Variants in PRKCE observed in about 807,000 individuals in gnomAD.
The protein encoded by PRKCE is protein kinase C epsilon type.
PRKCE carries 16 observed loss-of-function variants against 85.4 expected under a neutral mutation model. That is an observed-to-expected ratio of 0.19 (90% CI 0.13 to 0.28). The LOEUF (loss-of-function observed/expected upper bound fraction) is 0.28, where lower values mean the gene tolerates loss of function less well. Among genes scored for constraint, PRKCE ranks in the 10% least tolerant of loss-of-function variants. The pLI is 1.00. For missense variants in PRKCE, 573 were observed against 975.2 expected, an observed-to-expected ratio of 0.59 and a Z score of 5.49; for synonymous variants, 388 against 371.5, an observed-to-expected ratio of 1.04 and a Z score of -0.51.
intron 11 of PRKCE, among the ~76,000 whole-genome samples, chr2:46,141,855 A>G (rs1417957529): frequency 6.6e-6 from 1 of 152,154 alleles, no homozygotes; most frequent in Non-Finnish European, 1.5e-5. Context: ...ACGCCTGGCC[A>G]TGTCCTGAAC....
intron 1 of PRKCE, among the ~76,000 whole-genome samples, chr2:45,835,006 C>T (rs1269561994): frequency 1.4e-4 from 22 of 152,176 alleles, no homozygotes; most frequent in Admixed American, 1.4e-3. Context: ...TCACAGGAGA[C>T]AGGAGAAGGT....
Position 45,976,857 on chromosome 2 carries a change from CTGTGTGTGTGTGTGTG to C in PRKCE, c.572+303_572+318del, listed in dbSNP as rs56287103. On this transcript the variant is annotated intron_variant, in intron 3 of 14. Coordinates refer to ENST00000306156, the MANE Select transcript of PRKCE (RefSeq NM_005400.3). ...TTAGTAACCAACAAGGATATTGTGA[CTGTGTGTGTGTGTGTG>C]TGTGTGTGTGTGTGTGTGTGTGTGT... Among the ~76,000 whole-genome samples, 393 of 135,050 alleles carry C rather than the reference CTGTGTGTGTGTGTGTG, an allele frequency of 2.9e-3. 2 individuals are homozygous for C. The highest frequency in any genetic ancestry group is 9.9e-3 in the African/African-American group (356 of 35,800). The allele number at this position is 135,050 out of a possible 152,430, so 88.6% of individuals were successfully genotyped here.
intron 1 of PRKCE, among the ~76,000 whole-genome samples, chr2:45,696,171 G>A (rs1383304421): frequency 6.9e-6 from 1 of 145,424 alleles, no homozygotes; most frequent in Non-Finnish European, 1.5e-5. Flanking sequence ...GCACAGGCTG[G>A]TCTTGAACTC....
chr2:46,087,819 T>A (rs1190544888), intron 11 of PRKCE, among the ~76,000 whole-genome samples: 2 of 152,164 alleles, frequency 1.3e-5, no homozygotes, highest in African/African-American at 4.8e-5. Context: ...TCTTTCAAGC[T>A]CATGTGCTTG....
chr2:46,045,802 C>G (rs1708486925), intron 10 of PRKCE, among the ~76,000 whole-genome samples: 1 of 152,084 alleles, frequency 6.6e-6, no homozygotes, highest in Non-Finnish European at 1.5e-5. Context: ...TCATTTCAGC[C>G]TGGGAGGCAG....
intron 2 of PRKCE, among the ~76,000 whole-genome samples, chr2:45,971,741 A>G (rs1445333813): frequency 6.6e-6 from 1 of 152,260 alleles, no homozygotes; most frequent in African/African-American, 2.4e-5. Flanking sequence ...TAATTCCACC[A>G]GTGTCAACGA....
chr2:45,923,149 A>C (rs937457472), intron 2 of PRKCE, among the ~76,000 whole-genome samples: 4 of 152,178 alleles, frequency 2.6e-5, no homozygotes, highest in African/African-American at 9.6e-5. Context: ...GAAATAGAGG[A>C]GTAGGCCTTG....
chr2:46,007,990 T>G (rs1235279186), intron 9 of PRKCE, among the ~76,000 whole-genome samples: 1 of 152,220 alleles, frequency 6.6e-6, no homozygotes, highest in Non-Finnish European at 1.5e-5. Flanking sequence ...TCAATAGTAG[T>G]GTCAATACAT....
At chr2:45,665,389 G>A (rs1475602171) in intron 1 of PRKCE, among the ~76,000 whole-genome samples, 1 of 152,178 alleles carries the variant, frequency 6.6e-6, no homozygotes, top group Non-Finnish European at 1.5e-5. Flanking sequence ...TAAAAAAAGG[G>A]TTAATAACAG....
At chr2:46,128,305 C>T (rs773401778) in intron 11 of PRKCE, among the ~76,000 whole-genome samples, 21 of 152,160 alleles carry the variant, frequency 1.4e-4, no homozygotes, top group African/African-American at 5.1e-4. Context: ...GTAATGAACT[C>T]ATGGTTTAAA....
chr2:46,180,631 A>G (rs1020955660), intron 14 of PRKCE, among the ~76,000 whole-genome samples: 1 of 152,266 alleles, frequency 6.6e-6, no homozygotes, highest in African/African-American at 2.4e-5. Context: ...ATGCATGCCC[A>G]TGGCACACGA....
chr2:45,869,320 C>A (rs1186364185), intron 2 of PRKCE, among the ~76,000 whole-genome samples: 1 of 152,200 alleles, frequency 6.6e-6, no homozygotes, highest in Non-Finnish European at 1.5e-5. Flanking sequence ...GCATTCCGGC[C>A]ATATCTTCAG....
At chr2:46,039,368 C>A (rs1281535114) in intron 10 of PRKCE, among the ~76,000 whole-genome samples, 1 of 152,194 alleles carries the variant, frequency 6.6e-6, no homozygotes, top group Non-Finnish European at 1.5e-5. Flanking sequence ...CAGTTCTCTG[C>A]CATAATCTTT....
intron 10 of PRKCE, among the ~76,000 whole-genome samples, chr2:46,015,278 G>A (rs1558961859): frequency 6.6e-6 from 1 of 151,892 alleles, no homozygotes; most frequent in Non-Finnish European, 1.5e-5. Flanking sequence ...TTTAGAGTCT[G>A]TGCATTTGTA....
At chr2:45,990,355 G>A (rs946000581) in intron 6 of PRKCE, among the ~76,000 whole-genome samples, 4 of 152,186 alleles carry the variant, frequency 2.6e-5, no homozygotes, top group African/African-American at 4.8e-5. Context: ...ACATCTTATC[G>A]CTTTTGATGT....
intron 14 of PRKCE, among the ~76,000 whole-genome samples, chr2:46,161,843 G>C (rs1272461255): frequency 1.3e-5 from 2 of 152,084 alleles, no homozygotes; most frequent in African/African-American, 2.4e-5. Flanking sequence ...TCCCTCACTG[G>C]GACTCCCAAC....
At chr2:45,897,153 T>C (rs941777538) in intron 2 of PRKCE, among the ~76,000 whole-genome samples, 1 of 152,212 alleles carries the variant, frequency 6.6e-6, no homozygotes, top group Non-Finnish European at 1.5e-5. Flanking sequence ...TCTAAAACTG[T>C]ATTACACACA....
intron 6 of PRKCE, among the ~76,000 whole-genome samples, chr2:45,989,013 C>T (rs186155745): frequency 2.0e-4 from 31 of 152,294 alleles, no homozygotes; most frequent in Admixed American, 5.2e-4. Flanking sequence ...CACCTGCCCC[C>T]GTCCCATCCC....
At chr2:46,157,344 G>A (rs533735284) in intron 13 of PRKCE, among the ~76,000 whole-genome samples, 4 of 152,268 alleles carry the variant, frequency 2.6e-5, no homozygotes, top group African/African-American at 9.6e-5. Flanking sequence ...CATACCAGCT[G>A]AGCCCTTTTA....
Sources: allele counts gnomAD v4.1 joint callset (sites outside exome capture counted in the v4.1 genomes callset), GRCh38; gene constraint gnomAD v4.1.1; transcripts MANE v1.5; gene names NCBI Gene and HGNC (gene_info 2026-07-23, HGNC 2026-07-21).